The following IQCH variants were observed in gnomAD, a reference collection of about 807,000 sequenced individuals.
IQCH encodes IQ domain-containing protein H.
Under a neutral mutation model 117.0 loss-of-function variants are expected in IQCH, and 98 were observed. The ratio of observed to expected loss-of-function variants is 0.84; its 90% CI spans 0.71 to 0.99. The LOEUF (loss-of-function observed/expected upper bound fraction) is 0.99. Ranked by LOEUF, IQCH falls within the 50% of genes least tolerant of loss-of-function variation. The probability of loss-of-function intolerance (pLI) is 0.00; values close to 1 mark genes in which losing one functional copy is unlikely to be tolerated. For synonymous variants in IQCH, 412 were observed against 448.2 expected (o/e 0.92, Z 1.02); for missense variants, 1,102 against 1,243.8 (o/e 0.89, Z 1.72).
At chr15:67,437,558 C>A (rs1465372082) in intron 16 of IQCH, among the ~76,000 whole-genome samples, 1 of 152,030 alleles carries the variant, frequency 6.6e-6, no homozygotes, top group Admixed American at 6.6e-5. Flanking sequence ...CCAAGAAATC[C>A]CTGATTTACA....
At position 67,473,284 on chromosome 15, in the gene IQCH, C is replaced by A. The variant is rs1483428637; in HGVS notation, c.2677-2412C>A. ...AGTGTGAAGGTGAGAGCATGGCCAGCCCAGTATGGCAGGGCGAGCAGGCCT... is the reference window on the plus strand; with the variant it reads ...AGTGTGAAGGTGAGAGCATGGCCAGACCAGTATGGCAGGGCGAGCAGGCCT... On this transcript the variant is annotated intron_variant, in intron 17 of 20. Transcript: ENST00000335894. The surrounding 1 kb of genome is among the most constrained non-coding windows in gnomAD (Gnocchi z 4.9). 1.3e-5 allele frequency among the ~76,000 whole-genome samples: 2 copies of A among 152,228 alleles called. No individual in the cohort carries two copies. Among genetic ancestry groups the A allele is most frequent in the African/African-American group, 4.8e-5 (2 of 41,450 alleles).
Position 67,372,245 on chromosome 15 carries a change from A to T in IQCH, c.888A>T (p.Gly296=). 2 of 1,614,080 alleles carry T rather than the reference A, an allele frequency of 1.2e-6. No individual in the cohort carries two copies. Among genetic ancestry groups the T allele is most frequent in the South Asian group, 2.2e-5 (2 of 91,076 alleles). Residue 296 remains glycine, a synonymous_variant, in exon 9 of 21, where the codon GGA becomes GGT. Coordinates refer to ENST00000335894, the MANE Select transcript of IQCH (RefSeq NM_001031715.3). ...AGGAACATTTTAGCTTAGCTTGGGGAGGTATTTTTTCTCTCTTGGAACACG... is the reference window on the plus strand; with the variant it reads ...AGGAACATTTTAGCTTAGCTTGGGGTGGTATTTTTTCTCTCTTGGAACACG... The part of the protein sequence containing the change: ...AFKEHFSLAW[G]GIFSLLEHVE...
intron 3 of IQCH, among the ~76,000 whole-genome samples, chr15:67,274,413 ATTCT>A (rs1644371595): frequency 1.3e-5 from 2 of 152,094 alleles, no homozygotes; most frequent in Admixed American, 6.5e-5. Context: ...AAGCTCACTG[ATTCT>A]TTCTTCTGCT....
chr15:67,337,200 C>T (rs1234393603), intron 5 of IQCH, 105 bp downstream of exon 5: 2 of 1,291,684 alleles, frequency 1.5e-6, no homozygotes, highest in Non-Finnish European at 2.2e-6. Flanking sequence ...CACTAATTCT[C>T]CTGGGTGGCC....
chr15:67,451,723 G>C (rs1596404729), intron 16 of IQCH, among the ~76,000 whole-genome samples: 1 of 152,194 alleles, frequency 6.6e-6, no homozygotes, highest in Non-Finnish European at 1.5e-5. Context: ...GGAGAGTTCT[G>C]TAGATGTCTA....
chr15:67,362,178 C>T (rs935051710), intron 8 of IQCH, among the ~76,000 whole-genome samples: 2 of 150,760 alleles, frequency 1.3e-5, no homozygotes, highest in African/African-American at 2.5e-5. Flanking sequence ...CACATACACA[C>T]GTATATTTAC....
chr15:67,500,828 A>G lies in IQCH; in HGVS notation c.*82A>G. On this transcript the variant is annotated 3_prime_UTR_variant, in exon 21 of 21. Coordinates refer to ENST00000335894, the MANE Select transcript of IQCH (RefSeq NM_001031715.3). This position sits in a 1 kb window ranked among gnomAD's most constrained non-coding sequence, Gnocchi z 4.4. ...TTTTTTTCTGTTAGAAATAAAAGCC[A>G]GGGGAAATTGGTTTGCTTTGTGTGC... 1 of 664,590 alleles carries G rather than the reference A, an allele frequency of 1.5e-6. No individual in the cohort carries two copies. The highest frequency in any genetic ancestry group is 2.5e-6 in the Non-Finnish European group (1 of 393,836). The allele number at this position is 664,590 out of a possible 1,614,324, so 41.2% of individuals were successfully genotyped here.
chr15:67,421,403 T>C lies in IQCH; in HGVS notation c.2331T>C (p.His777=), dbSNP rs2081738617. The change falls in exon 16 of 21, where the codon CAT becomes CAC. Residue 777 remains histidine, a synonymous_variant. Transcript: ENST00000335894. ...TGCTGTCGACAGGGGACCAGCTTCA[T>C]GCTGAAAGCCCCTTCATCTCCTCTG... The part of the protein sequence containing the change: ...ISVLSTGDQL[H]AESPFISSGT... 1 of 1,614,210 alleles carries C rather than the reference T, an allele frequency of 6.2e-7. No individual in the cohort carries two copies. Among genetic ancestry groups the C allele is most frequent in the South Asian group, 1.1e-5 (1 of 91,088 alleles).
chr15:67,450,150 C>T (rs2082487190), intron 16 of IQCH, among the ~76,000 whole-genome samples: 2 of 152,158 alleles, frequency 1.3e-5, no homozygotes, highest in Admixed American at 6.5e-5. Flanking sequence ...TCTAGATATA[C>T]AATCATGTCA....
chr15:67,345,238 G>A (rs1327884544), intron 6 of IQCH, among the ~76,000 whole-genome samples: 3 of 152,056 alleles, frequency 2.0e-5, no homozygotes, highest in Non-Finnish European at 4.4e-5. Context: ...TGATCCACCC[G>A]CCTTGGCCTA....
In IQCH at chr15:67,476,925, T is replaced by C. The variant is rs2083215836; in HGVS notation, c.2799+1107T>C. On this transcript the variant is annotated intron_variant, in intron 18 of 20. Transcript: ENST00000335894. This position sits in a 1 kb window ranked among gnomAD's most constrained non-coding sequence, Gnocchi z 4.1. ...ACATAAGAATTGAGTAGTAACCAGT[T>C]GATCAGATGTTTTGATTTGTAGATA... Among the ~76,000 whole-genome samples, 1 of 152,164 alleles carries C rather than the reference T, an allele frequency of 6.6e-6. No individual in the cohort carries two copies. The highest frequency in any genetic ancestry group is 2.1e-4 in the South Asian group (1 of 4,828).
chr15:67,449,718 G>T (rs1355490590), intron 16 of IQCH, among the ~76,000 whole-genome samples: 2 of 152,080 alleles, frequency 1.3e-5, no homozygotes, highest in Non-Finnish European at 2.9e-5. Flanking sequence ...GCTCTTTTTG[G>T]GTTCTATATG....
chr15:67,398,157 G>A (rs1056752145), intron 13 of IQCH, among the ~76,000 whole-genome samples: 19 of 151,946 alleles, frequency 1.3e-4, no homozygotes, highest in African/African-American at 1.5e-4. Context: ...GTTAGTAGTC[G>A]AAACCTGCAA....
chr15:67,255,189 A>C, intron 1 of IQCH: 1 of 574,458 alleles, frequency 1.7e-6, no homozygotes, highest in Non-Finnish European at 3.1e-6. Flanking sequence ...AAAACTCTAA[A>C]ACCGTTCACC....
intron 4 of IQCH, among the ~76,000 whole-genome samples, chr15:67,318,495 A>G (rs1967957573): frequency 2.0e-5 from 3 of 152,232 alleles, no homozygotes. Context: ...TGTAATTCCA[A>G]TCAAAATTCC....
At chr15:67,301,206 G>A (rs1171788422) in intron 4 of IQCH, among the ~76,000 whole-genome samples, 1 of 151,932 alleles carries the variant, frequency 6.6e-6, no homozygotes, top group African/African-American at 2.4e-5. Context: ...ATACTTTCCT[G>A]CTTAATGGAA....
intron 4 of IQCH, among the ~76,000 whole-genome samples, chr15:67,336,071 T>C (rs1290330014): frequency 1.3e-5 from 2 of 152,144 alleles, no homozygotes; most frequent in Non-Finnish European, 2.9e-5. Context: ...AATTTCAGAA[T>C]TGAATAATCT....
chr15:67,462,026 C>T (rs773484768), intron 16 of IQCH, among the ~76,000 whole-genome samples: 1 of 151,896 alleles, frequency 6.6e-6, no homozygotes, highest in Non-Finnish European at 1.5e-5. Flanking sequence ...GTTGGGGTCT[C>T]GTTATGTTGC....
intron 4 of IQCH, among the ~76,000 whole-genome samples, chr15:67,318,508 T>A (rs181763253): frequency 6.2e-4 from 95 of 152,244 alleles, no homozygotes; most frequent in Non-Finnish European, 8.5e-4. Flanking sequence ...AAAATTCCTA[T>A]GGGTTTTATT....
Sources: gnomAD v4.1 joint callset for allele counts (sites outside exome capture counted in the v4.1 genomes callset) on GRCh38, gnomAD v4.1.1 for gene constraint, Gnocchi (gnomAD v3.1) non-coding constraint, MANE v1.5 for transcripts, NCBI Gene and HGNC (gene_info 2026-07-23, HGNC 2026-07-21) for gene names.